Variants in TFPI observed in about 807,000 individuals in gnomAD.
TFPI encodes the protein tissue factor pathway inhibitor.
In TFPI, 15 loss-of-function variants were observed where a neutral mutation model predicts 34.6. The observed-to-expected ratio is 0.43, with a 90% confidence interval of 0.29 to 0.67. TFPI has a LOEUF of 0.67. TFPI is among the 30% of genes least tolerant of loss of function. The pLI is 0.15. For missense variants in TFPI, 301 were observed against 364.0 expected, an observed-to-expected ratio of 0.83 and a Z score of 1.41; for synonymous variants, 105 against 120.1, an observed-to-expected ratio of 0.87 and a Z score of 0.82.
At chr2:187,475,218 A>C (rs1420899341) in intron 6 of TFPI, among the ~76,000 whole-genome samples, 1 of 152,194 alleles carries the variant, frequency 6.6e-6, no homozygotes, top group Non-Finnish European at 1.5e-5. Context: ...GGAAGTACAC[A>C]GATCTGTACC....
Position 187,468,050 on chromosome 2 carries a change from T to C in TFPI, c.629-118A>G, listed in dbSNP as rs1257022655. ...TGTGTATGTAAAACAGTAATCTGAA[T>C]AAAGGGGTATTTAATAAAATTCGTG... On this transcript the variant is annotated intron_variant, in intron 6 of 7. Coordinates refer to ENST00000233156, the MANE Select transcript of TFPI (RefSeq NM_006287.6). 1.8e-5 allele frequency: 14 copies of C among 774,938 alleles called. No homozygotes were observed. The Admixed American group carries it at 2.7e-4, about 15-fold the overall frequency. 48.0% of individuals were successfully genotyped at this position (774,938 alleles called of 1,614,324 possible). A position where few individuals can be genotyped will look rare whatever the true frequency, so the allele number is the denominator to read the frequency against.
At chr2:187,474,511 T>A (rs1266240382) in intron 6 of TFPI, among the ~76,000 whole-genome samples, 3 of 152,148 alleles carry the variant, frequency 2.0e-5, no homozygotes, top group Non-Finnish European at 4.4e-5. Flanking sequence ...GCCACTGAAA[T>A]TATTGAATAA....
At chr2:187,468,874 T>A (rs910098000) in intron 6 of TFPI, among the ~76,000 whole-genome samples, 1 of 152,060 alleles carries the variant, frequency 6.6e-6, no homozygotes, top group Non-Finnish European at 1.5e-5. Context: ...AAGAAAACTT[T>A]AATGGCTTTG....
intron 1 of TFPI, chr2:187,544,697 T>C (rs1250461294): frequency 6.6e-6 from 1 of 152,160 alleles, no homozygotes; most frequent in African/African-American, 2.4e-5. Flanking sequence ...TTGGCTCTTT[T>C]TACAGGAAGT....
In TFPI at chr2:187,466,058, G is replaced by T. The variant is rs1357090551; in HGVS notation, c.*878C>A. ...CTTTTTAAAGCATGAATTATTAGTT[G>T]CATTGTGTGCAAATCCTAATGATAA... is the stretch of plus-strand genomic sequence containing the variant. On this transcript the variant is annotated 3_prime_UTR_variant, in exon 8 of 8. Coordinates refer to ENST00000233156, the MANE Select transcript of TFPI (RefSeq NM_006287.6). 2 of 152,128 alleles carry T rather than the reference G, an allele frequency of 1.3e-5. No homozygotes were observed. The highest frequency in any genetic ancestry group is 4.8e-5 in the African/African-American group (2 of 41,442). The allele number at this position is 152,128 out of a possible 1,614,324, so 9.4% of individuals were successfully genotyped here.
intron 1 of TFPI, among the ~76,000 whole-genome samples, chr2:187,522,126 A>T (rs1687411130): frequency 6.6e-6 from 1 of 152,064 alleles, no homozygotes. Flanking sequence ...AAATTATCAG[A>T]TATATGACTT....
intron 1 of TFPI, among the ~76,000 whole-genome samples, chr2:187,538,534 A>G (rs990723532): frequency 2.0e-5 from 3 of 152,184 alleles, no homozygotes; most frequent in Admixed American, 1.3e-4. Context: ...GAGTTGAACA[A>G]TGAGAACACG....
intron 6 of TFPI, among the ~76,000 whole-genome samples, chr2:187,478,977 C>A (rs367615991): frequency 5.8e-4 from 88 of 152,046 alleles, no homozygotes; most frequent in African/African-American, 1.9e-3. Flanking sequence ...TCTAATAGTA[C>A]AAGTATTGAA....
At chr2:187,552,146 T>G (rs578131037) in intron 1 of TFPI, among the ~76,000 whole-genome samples, 193 of 34,548 alleles carry the variant, frequency 5.6e-3, no homozygotes, top group African/African-American at 0.029. Context: ...GGATGTTTAC[T>G]TTGCATTTTT....
At chr2:187,513,750 C>A in intron 1 of TFPI, 1 of 152,632 alleles carries the variant, frequency 6.6e-6, no homozygotes. Context: ...CCAAACTAAG[C>A]TAAGAAAAAT....
chr2:187,522,815 C>T (rs1035191530), intron 1 of TFPI, among the ~76,000 whole-genome samples: 7 of 151,052 alleles, frequency 4.6e-5, no homozygotes, highest in Admixed American at 6.6e-5. Context: ...GGCGTGAACC[C>T]GGGAGGTAGA....
chr2:187,528,725 C>G (rs1687806015), intron 1 of TFPI, among the ~76,000 whole-genome samples: 1 of 151,996 alleles, frequency 6.6e-6, no homozygotes, highest in Non-Finnish European at 1.5e-5. Flanking sequence ...ATCTTATGCT[C>G]ATTTTATAAA....
chr2:187,466,236 A>G lies in TFPI; in HGVS notation c.*700T>C, dbSNP rs548333312. The G allele has an allele frequency of 7.2e-5, 11 of 152,214 alleles. No individual in the cohort carries two copies. Among genetic ancestry groups the G allele is most frequent in the African/African-American group, 9.6e-5 (4 of 41,536 alleles). The allele number at this position is 152,214 out of a possible 1,614,324, so 9.4% of individuals were successfully genotyped here. ...AAAGGTTCTCCTTATCATGAGTTGT[A>G]TTTAACACACAATTATTCAGTCATC... On this transcript the variant is annotated 3_prime_UTR_variant, in exon 8 of 8. Transcript: ENST00000233156.
chr2:187,479,587 A>ATATATATG (rs1334522876), intron 6 of TFPI, among the ~76,000 whole-genome samples: 54 of 131,140 alleles, frequency 4.1e-4, no homozygotes, highest in Non-Finnish European at 7.0e-4. Flanking sequence ...ATATATATAT[A>ATATATATG]TATGATTTAA....
intron 2 of TFPI, among the ~76,000 whole-genome samples, chr2:187,498,324 GTTAAA>G (rs1176729125): frequency 6.6e-6 from 1 of 151,542 alleles, no homozygotes; most frequent in Non-Finnish European, 1.5e-5. Context: ...TGTAATAAAA[GTTAAA>G]TTAGATAATT....
chr2:187,480,890 G>A (rs371505264), intron 6 of TFPI, among the ~76,000 whole-genome samples: 2 of 152,002 alleles, frequency 1.3e-5, no homozygotes, highest in East Asian at 1.9e-4. Context: ...TGCTTAGTAA[G>A]TATTCAAGTA....
In TFPI at chr2:187,497,026, C is replaced by T. The variant is rs780564015; in HGVS notation, c.174G>A (p.Ala58=). The change falls in exon 3 of 8, where the codon GCG becomes GCA. Residue 58 remains alanine, a synonymous_variant. Coordinates refer to ENST00000233156, the MANE Select transcript of TFPI (RefSeq NM_006287.6). ...TGATTGCTTTACATGGGCCATCATC[C>T]GCCTTGAATGCACAAAATGAATGCA... The part of the protein sequence containing the change: ...KLMHSFCAFK[A]DDGPCKAIMK... 76 of 1,613,154 alleles carry T rather than the reference C, an allele frequency of 4.7e-5. No individual in the cohort carries two copies. The East Asian group carries it at 1.0e-3, about 22-fold the overall frequency.
intron 6 of TFPI, among the ~76,000 whole-genome samples, chr2:187,475,305 T>C (rs988901973): frequency 6.6e-6 from 1 of 152,166 alleles, no homozygotes; most frequent in African/African-American, 2.4e-5. Flanking sequence ...ACAAAAAATA[T>C]GTATAATTAT....
intron 6 of TFPI, among the ~76,000 whole-genome samples, chr2:187,477,350 G>T (rs1574376412): frequency 6.6e-6 from 1 of 152,182 alleles, no homozygotes; most frequent in East Asian, 1.9e-4. Context: ...TACTATGCAG[G>T]CATCTTTAGA....
Sources: gnomAD v4.1 joint callset for allele counts (sites outside exome capture counted in the v4.1 genomes callset) on GRCh38, gnomAD v4.1.1 for gene constraint, MANE v1.5 for transcripts, NCBI Gene and HGNC (gene_info 2026-07-23, HGNC 2026-07-21) for gene names.